Variants in PALM2AKAP2 observed in about 807,000 individuals in gnomAD.
PALM2AKAP2 encodes PALM2-AKAP2 fusion protein.
Under a neutral mutation model 71.5 loss-of-function variants are expected in PALM2AKAP2, and 37 were observed. That is an observed-to-expected ratio of 0.52 (90% CI 0.40 to 0.68). The LOEUF (loss-of-function observed/expected upper bound fraction) is 0.68, where lower values mean the gene tolerates loss of function less well. Among genes scored for constraint, PALM2AKAP2 ranks in the 30% least tolerant of loss-of-function variants. The pLI is 0.00. For synonymous variants in PALM2AKAP2, 468 were observed against 478.8 expected (o/e 0.98, Z 0.29); for missense variants, 1,224 against 1,191.8 (o/e 1.03, Z -0.40).
At chr9:109,882,757 C>T (rs752983948) in intron 3 of PALM2AKAP2, among the ~76,000 whole-genome samples, 3 of 152,054 alleles carry the variant, frequency 2.0e-5, no homozygotes, top group Non-Finnish European at 4.4e-5. Flanking sequence ...ATCCTCCGAC[C>T]TCAGCCTCTC....
intron 2 of PALM2AKAP2, among the ~76,000 whole-genome samples, chr9:109,869,609 A>G (rs746533811): frequency 2.1e-5 from 3 of 145,974 alleles, no homozygotes; most frequent in Non-Finnish European, 4.5e-5. Context: ...AAGTGCTGGG[A>G]TTGCATATTC....
intron 6 of PALM2AKAP2, among the ~76,000 whole-genome samples, chr9:109,951,412 T>G (rs750063811): frequency 9.2e-5 from 14 of 152,256 alleles, no homozygotes; most frequent in Middle Eastern, 3.2e-3. Flanking sequence ...ATGCTGTACT[T>G]GTAGCTTCTC....
chr9:110,159,538 T>C (rs993463986), intron 3 of PALM2AKAP2, among the ~76,000 whole-genome samples: 2 of 152,266 alleles, frequency 1.3e-5, no homozygotes, highest in African/African-American at 2.4e-5. Flanking sequence ...TATTTTTTAT[T>C]CTTTTTAAGG....
intron 6 of PALM2AKAP2, among the ~76,000 whole-genome samples, chr9:109,957,744 A>G (rs916650719): frequency 6.6e-6 from 1 of 152,228 alleles, no homozygotes; most frequent in African/African-American, 2.4e-5. Context: ...TCTCCAAAAT[A>G]TAATGCTATG....
chr9:109,669,373 T>G (rs1003882966), intron 1 of PALM2AKAP2, among the ~76,000 whole-genome samples: 5 of 152,180 alleles, frequency 3.3e-5, no homozygotes, highest in African/African-American at 2.4e-5. Context: ...GGCTTCTTTA[T>G]CTATGTTCGT....
intron 1 of PALM2AKAP2, among the ~76,000 whole-genome samples, chr9:109,718,120 G>T (rs778689664): frequency 2.0e-5 from 3 of 151,094 alleles, no homozygotes; most frequent in African/African-American, 7.3e-5. Context: ...TCATTCTGTC[G>T]CCCAGGCTGG....
chr9:110,149,981 T>C (rs1305460119), intron 2 of PALM2AKAP2, among the ~76,000 whole-genome samples: 2 of 152,170 alleles, frequency 1.3e-5, no homozygotes, highest in Non-Finnish European at 2.9e-5. Context: ...TTGAGACCCC[T>C]GTCCCGCAAA....
chr9:109,709,346 A>C (rs749853918), intron 1 of PALM2AKAP2, among the ~76,000 whole-genome samples: 2 of 152,144 alleles, frequency 1.3e-5, no homozygotes, highest in African/African-American at 4.8e-5. Flanking sequence ...CCTGCCTCCC[A>C]TGTGACTTTG....
At chr9:109,882,841 G>T (rs988750136) in intron 3 of PALM2AKAP2, among the ~76,000 whole-genome samples, 1 of 151,908 alleles carries the variant, frequency 6.6e-6, no homozygotes, top group South Asian at 2.1e-4. Flanking sequence ...TAGAGAAAGA[G>T]TCTCACTATG....
At chr9:110,083,808 C>CTAGAATTG (rs1834502151) in intron 1 of PALM2AKAP2, among the ~76,000 whole-genome samples, 1 of 152,210 alleles carries the variant, frequency 6.6e-6, no homozygotes, top group South Asian at 2.1e-4. Context: ...GATTTTAAAA[C>CTAGAATTG]TAGAATTGTA....
chr9:110,006,251 G>GCCTT (rs1003446866), intron 6 of PALM2AKAP2, among the ~76,000 whole-genome samples: 3 of 148,672 alleles, frequency 2.0e-5, no homozygotes, highest in African/African-American at 7.5e-5. Context: ...TCGCCTGCCT[G>GCCTT]CCTTCCTTCC....
intron 1 of PALM2AKAP2, among the ~76,000 whole-genome samples, chr9:109,821,560 T>C (rs1402269011): frequency 6.6e-6 from 1 of 152,154 alleles, no homozygotes. Flanking sequence ...TTAGAGAATA[T>C]TTGAAGTGGT....
intron 7 of PALM2AKAP2, among the ~76,000 whole-genome samples, chr9:110,019,774 C>T (rs1833039807): frequency 6.6e-6 from 1 of 152,094 alleles, no homozygotes; most frequent in Non-Finnish European, 1.5e-5. Flanking sequence ...ACAGTAGAGA[C>T]TGGGGACTCT....
intron 1 of PALM2AKAP2, among the ~76,000 whole-genome samples, chr9:109,720,896 T>C (rs540936424): frequency 6.6e-6 from 1 of 152,312 alleles, no homozygotes; most frequent in African/African-American, 2.4e-5. Context: ...GATAGAGCAG[T>C]AAGCCAAACA....
At chr9:109,813,841 T>C (rs1488201007) in intron 1 of PALM2AKAP2, among the ~76,000 whole-genome samples, 1 of 152,198 alleles carries the variant, frequency 6.6e-6, no homozygotes, top group Non-Finnish European at 1.5e-5. Context: ...CTGTCCTACG[T>C]AGGGTCTACA....
At chr9:109,936,630 T>G (rs1831224187) in intron 6 of PALM2AKAP2, among the ~76,000 whole-genome samples, 1 of 152,214 alleles carries the variant, frequency 6.6e-6, no homozygotes, top group South Asian at 2.1e-4. Flanking sequence ...CCCCCATGGA[T>G]GACACTTATG....
chr9:109,682,568 G>A (rs1457324660), intron 1 of PALM2AKAP2, among the ~76,000 whole-genome samples: 13 of 152,152 alleles, frequency 8.5e-5, no homozygotes, highest in East Asian at 5.8e-4. Context: ...GCCATTTGAC[G>A]ACTTACTACT....
At chr9:110,010,735 C>T (rs1318275087) in intron 6 of PALM2AKAP2, among the ~76,000 whole-genome samples, 2 of 148,382 alleles carry the variant, frequency 1.3e-5, no homozygotes, top group South Asian at 2.1e-4. Flanking sequence ...TACGGTGGCT[C>T]ACGCTTGTAA....
chr9:110,018,675 A>G (rs1170059589), intron 7 of PALM2AKAP2, among the ~76,000 whole-genome samples: 1 of 152,166 alleles, frequency 6.6e-6, no homozygotes, highest in African/African-American at 2.4e-5. Flanking sequence ...ACCCCTACAA[A>G]TATTCTAGAG....
Sources: allele counts gnomAD v4.1 joint callset (sites outside exome capture counted in the v4.1 genomes callset), GRCh38; gene constraint gnomAD v4.1.1; transcripts MANE v1.5; gene names NCBI Gene and HGNC (gene_info 2026-07-23, HGNC 2026-07-21).